The following ANKS1B variants were observed in gnomAD, a reference collection of about 807,000 sequenced individuals.
ANKS1B encodes the protein ankyrin repeat and sterile alpha motif domain containing 1B.
In ANKS1B, 36 loss-of-function variants were observed where a neutral mutation model predicts 148.3. The observed-to-expected ratio is 0.24, with a 90% CI of 0.19 to 0.32. ANKS1B has a LOEUF of 0.32. Among genes scored for constraint, ANKS1B ranks in the 10% least tolerant of loss-of-function variants. ANKS1B has a pLI of 1.00. For synonymous variants in ANKS1B, 542 were observed against 560.8 expected (o/e 0.97, Z 0.47); for missense variants, 1,157 against 1,542.6 (o/e 0.75, Z 4.19).
intron 17 of ANKS1B, among the ~76,000 whole-genome samples, chr12:98,886,537 G>A (rs187135908): frequency 6.6e-6 from 1 of 152,352 alleles, no homozygotes; most frequent in East Asian, 1.9e-4. Flanking sequence ...TGTTCCTGAA[G>A]TAGGTAACAA....
At chr12:99,696,321 A>T (rs578166894) in intron 8 of ANKS1B, among the ~76,000 whole-genome samples, 1 of 152,266 alleles carries the variant, frequency 6.6e-6, no homozygotes, top group Non-Finnish European at 1.5e-5. Flanking sequence ...TATCATTCCT[A>T]CTCGATTTCA....
intron 15 of ANKS1B, among the ~76,000 whole-genome samples, chr12:99,148,410 T>G (rs530286468): frequency 7.4e-4 from 113 of 151,844 alleles, no homozygotes; most frequent in Non-Finnish European, 1.3e-3. Context: ...ATTTGAATCA[T>G]GGCAATTTTT....
In ANKS1B at chr12:99,166,366, T is replaced by C. The variant is rs1469359998; in HGVS notation, c.2420-11971A>G. Among the ~76,000 whole-genome samples, 5 of 151,928 alleles carry C rather than the reference T, an allele frequency of 3.3e-5. No homozygotes were observed. The East Asian group carries it at 9.6e-4, about 29-fold the overall frequency. ...TATTCCCACATGACATGATTTTCTA[T>C]GTATAAAATCCTGTGAGACCTACAT... is the stretch of plus-strand genomic sequence containing the variant. On this transcript the variant is annotated intron_variant, in intron 14 of 26. Coordinates refer to ENST00000683438, the MANE Select transcript of ANKS1B (RefSeq NM_001352186.2).
At chr12:98,943,937 T>C (rs1418000515) in intron 17 of ANKS1B, among the ~76,000 whole-genome samples, 1 of 152,200 alleles carries the variant, frequency 6.6e-6, no homozygotes, top group Non-Finnish European at 1.5e-5. Context: ...CCCTCGTGAA[T>C]GGCTTAGCGC....
intron 12 of ANKS1B, among the ~76,000 whole-genome samples, chr12:99,388,111 G>C (rs2093943758): frequency 6.6e-6 from 1 of 152,084 alleles, no homozygotes; most frequent in Non-Finnish European, 1.5e-5. Context: ...CAGCGGAATG[G>C]CATGATCAGA....
At chr12:99,714,735 G>A (rs2057078738) in intron 8 of ANKS1B, among the ~76,000 whole-genome samples, 1 of 152,062 alleles carries the variant, frequency 6.6e-6, no homozygotes, top group Admixed American at 6.5e-5. Context: ...TAGTTCCTGA[G>A]ACACAATAAT....
chr12:99,061,454 T>G (rs2042430869), intron 16 of ANKS1B, among the ~76,000 whole-genome samples: 1 of 152,184 alleles, frequency 6.6e-6, no homozygotes, highest in Non-Finnish European at 1.5e-5. Flanking sequence ...GGATTGGAGA[T>G]TCTGCATTTC....
At chr12:98,877,550 G>T (rs1239531422) in intron 17 of ANKS1B, among the ~76,000 whole-genome samples, 1 of 152,184 alleles carries the variant, frequency 6.6e-6, no homozygotes, top group Non-Finnish European at 1.5e-5. Context: ...AAGCATGCAT[G>T]AATTAACACA....
chr12:98,771,205 T>C (rs1187935052), intron 25 of ANKS1B, among the ~76,000 whole-genome samples: 2 of 152,216 alleles, frequency 1.3e-5, no homozygotes, highest in African/African-American at 4.8e-5. Context: ...GGTTTCACTC[T>C]GTAGTCCAGG....
chr12:99,369,132 A>G (rs1463301958), intron 12 of ANKS1B, among the ~76,000 whole-genome samples: 2 of 152,276 alleles, frequency 1.3e-5, no homozygotes, highest in East Asian at 3.9e-4. Flanking sequence ...CCACCCTAAA[A>G]GTGATAAAAT....
chr12:99,219,591 A>T (rs1265991618), intron 14 of ANKS1B, among the ~76,000 whole-genome samples: 3 of 152,166 alleles, frequency 2.0e-5, no homozygotes, highest in Non-Finnish European at 4.4e-5. Context: ...CACAAGAAAA[A>T]AGTCAAAGGT....
intron 9 of ANKS1B, among the ~76,000 whole-genome samples, chr12:99,514,787 A>G (rs2096799512): frequency 6.6e-6 from 1 of 152,024 alleles, no homozygotes; most frequent in Admixed American, 6.6e-5. Flanking sequence ...AAGCCTTTGT[A>G]TGTCCCCTTC....
chr12:99,373,559 A>G (rs185136124), intron 12 of ANKS1B, among the ~76,000 whole-genome samples: 152 of 152,212 alleles, frequency 1.0e-3, no homozygotes, highest in African/African-American at 3.7e-3. Flanking sequence ...GAACAACACA[A>G]AGGCTGAAAT....
chr12:99,537,708 G>C (rs2153109626), intron 9 of ANKS1B, among the ~76,000 whole-genome samples: 1 of 152,224 alleles, frequency 6.6e-6, no homozygotes, highest in Non-Finnish European at 1.5e-5. Flanking sequence ...TCTGTGGGTT[G>C]TCCTTTCACT....
intron 15 of ANKS1B, among the ~76,000 whole-genome samples, chr12:99,092,087 C>T (rs1242651848): frequency 6.6e-6 from 1 of 152,096 alleles, no homozygotes. Context: ...CTGCTTTGCT[C>T]CAGTCCTTTC....
chr12:98,838,760 G>A (rs2099389393), intron 17 of ANKS1B, among the ~76,000 whole-genome samples: 1 of 152,188 alleles, frequency 6.6e-6, no homozygotes, highest in South Asian at 2.1e-4. Flanking sequence ...CTTCAGAGTA[G>A]CCTCTTCTAA....
At chr12:99,630,045 T>C (rs368673120) in intron 9 of ANKS1B, among the ~76,000 whole-genome samples, 1 of 152,172 alleles carries the variant, frequency 6.6e-6, no homozygotes, top group East Asian at 1.9e-4. Flanking sequence ...TGAACTGCAC[T>C]TACAAATGAA....
At chr12:99,427,539 T>A (rs569247699) in intron 11 of ANKS1B, among the ~76,000 whole-genome samples, 1 of 152,320 alleles carries the variant, frequency 6.6e-6, no homozygotes. Flanking sequence ...CTCCTCCAAA[T>A]ACTGTTTGAC....
intron 17 of ANKS1B, among the ~76,000 whole-genome samples, chr12:98,982,337 T>C (rs2099912422): frequency 6.6e-6 from 1 of 152,072 alleles, no homozygotes; most frequent in Non-Finnish European, 1.5e-5. Context: ...ACAATGTTTC[T>C]GCTCTGCAGA....
Sources: allele counts gnomAD v4.1 joint callset (sites outside exome capture counted in the v4.1 genomes callset), GRCh38; gene constraint gnomAD v4.1.1; transcripts MANE v1.5; gene names NCBI Gene and HGNC (gene_info 2026-07-23, HGNC 2026-07-21).